The following SYTL2 variants were observed in gnomAD, a reference collection of about 807,000 sequenced individuals.
The protein encoded by SYTL2 is synaptotagmin like 2.
SYTL2 carries 165 observed loss-of-function variants against 198.7 expected under a neutral mutation model. The ratio of observed to expected loss-of-function variants is 0.83; its 90% CI spans 0.73 to 0.94. The LOEUF (loss-of-function observed/expected upper bound fraction) is 0.94. Ranked by LOEUF, SYTL2 falls within the 40% of genes least tolerant of loss-of-function variation. SYTL2 has a pLI of 0.00. For synonymous variants in SYTL2, 966 were observed against 917.7 expected, an observed-to-expected ratio of 1.05 and a Z score of -0.95; for missense variants, 2,835 against 2,582.8, an observed-to-expected ratio of 1.10 and a Z score of -2.12.
chr11:85,808,866 A>G (rs926854578), intron 1 of SYTL2, among the ~76,000 whole-genome samples: 1 of 139,104 alleles, frequency 7.2e-6, no homozygotes, highest in Non-Finnish European at 1.5e-5. Flanking sequence ...ATTAATACCA[A>G]GTAAGTTTTC....
the SYTL2 span, among the ~76,000 whole-genome samples, chr11:85,818,232 A>T: frequency 6.6e-6 from 1 of 152,138 alleles, no homozygotes; most frequent in Non-Finnish European, 1.5e-5. Context: ...ATACACTTCA[A>T]GGATGAAGTG....
At position 85,734,035 on chromosome 11, in the gene SYTL2, G is replaced by A. The variant is rs767407461; in HGVS notation, c.1294C>T (p.Pro432Ser). 2 of 1,613,962 alleles carry A rather than the reference G, an allele frequency of 1.2e-6. No homozygotes were observed. Among genetic ancestry groups the A allele is most frequent in the African/African-American group, 2.7e-5 (2 of 75,032 alleles). The change falls in exon 7 of 20, where the codon CCA becomes TCA. Residue 432 changes from proline to serine, a missense_variant. Pro to Ser is a moderately conservative substitution (Grantham distance 74, BLOSUM62 -1). This residue lies in a region of SYTL2 where 2,645 missense variants were observed against 2,381.7 expected (regional missense o/e 1.11). Transcript: ENST00000359152. Reference protein sequence around the residue: ...HSHSEVLTARPQSMENSPTIN... With the variant: ...HSHSEVLTARSQSMENSPTIN... ...GTTGGTGAATTCTCCATAGACTGTG[G>A]TCTTGCAGTTAAAACTTCTGAATGA...
chr11:85,772,434 A>G (rs1202972906), intron 1 of SYTL2, among the ~76,000 whole-genome samples: 4 of 152,220 alleles, frequency 2.6e-5, no homozygotes, highest in African/African-American at 9.6e-5. Context: ...ATGAAGTCCT[A>G]TAAGGTTGTA....
At chr11:85,719,187 C>T in intron 9 of SYTL2, 2 of 1,277,764 alleles carry the variant, frequency 1.6e-6, no homozygotes. Context: ...TGATGCTAGC[C>T]ATGACTAACA....
At position 85,739,742 on chromosome 11, in the gene SYTL2, G is replaced by C. The variant is rs915628996; in HGVS notation, c.390-2086C>G. ...TTATGAAAAAACTGAGGTTCACAGA[G>C]GTTAAGTCACCTGCTTGATGTTACA... On this transcript the variant is annotated intron_variant, in intron 4 of 19. Coordinates refer to ENST00000359152, the MANE Select transcript of SYTL2 (RefSeq NM_206927.4). Among the ~76,000 whole-genome samples, 6 of 152,230 alleles carry C rather than the reference G, an allele frequency of 3.9e-5. 1 individual carries two copies. In the South Asian group the frequency reaches 1.0e-3, roughly 26 times the overall value.
intron 4 of SYTL2, among the ~76,000 whole-genome samples, chr11:85,742,152 G>A (rs981349508): frequency 3.9e-5 from 6 of 152,134 alleles, no homozygotes; most frequent in African/African-American, 1.4e-4. Context: ...TACAAGCCAA[G>A]GACAGGGCAT....
intron 1 of SYTL2, among the ~76,000 whole-genome samples, chr11:85,795,937 G>A (rs887512086): frequency 6.6e-6 from 1 of 152,182 alleles, no homozygotes; most frequent in Non-Finnish European, 1.5e-5. Flanking sequence ...ATACACATAA[G>A]CCATCATCAC....
rs377321313 is a variant in SYTL2 at position 85,748,299 on chromosome 11, T to C, written c.226A>G (p.Met76Val). The change falls in exon 3 of 20, where the codon ATG becomes GTG. Residue 76 changes from methionine (M) to valine (V), a missense_variant. Physicochemically the swap from Met to Val is conservative, Grantham distance 21. Around this residue, in one of 3 missense-constraint regions of SYTL2, gnomAD observed 2,645 missense variants for 2,381.7 expected, o/e 1.11. Coordinates refer to ENST00000359152, the MANE Select transcript of SYTL2 (RefSeq NM_206927.4). ...IHGADIIRAS[M>V]RKKRPQIAAE... ...GCTATCTGGGGCCTCTTCTTTCTCATAGATGCTCTGATGATATCTGCGCCA... is the reference window on the plus strand; with the variant it reads ...GCTATCTGGGGCCTCTTCTTTCTCACAGATGCTCTGATGATATCTGCGCCA... 1.5e-5 allele frequency: 25 copies of C among 1,613,796 alleles called. No individual in the cohort carries two copies. The highest frequency in any genetic ancestry group is 5.3e-5 in the African/African-American group (4 of 74,924).
intron 15 of SYTL2, among the ~76,000 whole-genome samples, chr11:85,706,640 G>A (rs1338581012): frequency 6.6e-6 from 1 of 152,150 alleles, no homozygotes; most frequent in Non-Finnish European, 1.5e-5. Flanking sequence ...AGGGTGACTG[G>A]AACAAAGACT....
rs762369216 is a variant in SYTL2 at position 85,726,338 on chromosome 11, G to C, written c.3020C>G (p.Thr1007Arg). ...AAAAGGTGCAGAATTTTTTTGGCTT[G>C]TGGTGGTAATATTCTTGTCATTATC... ...SKDNDKNITT[T>R]SQKNSAPFNR... Residue 1007 changes from threonine to arginine, a missense_variant, in exon 8 of 20, where the codon ACA becomes AGA. By Grantham distance (71) the Thr-to-Arg change is moderately conservative. Coordinates refer to ENST00000359152, the MANE Select transcript of SYTL2 (RefSeq NM_206927.4). 1 of 1,613,842 alleles carries C rather than the reference G, an allele frequency of 6.2e-7. No individual in the cohort carries two copies. Among genetic ancestry groups the C allele is most frequent in the East Asian group, 2.2e-5 (1 of 44,878 alleles).
Position 85,714,411 on chromosome 11 carries a change from G to T in SYTL2, c.5625+2C>A, listed in dbSNP as rs1441301886. 2 of 1,609,726 alleles carry T rather than the reference G, an allele frequency of 1.2e-6. No homozygotes were observed. The highest frequency in any genetic ancestry group is 1.7e-6 in the Non-Finnish European group (2 of 1,176,298). Reference sequence around the variant, plus strand: ...TTCTGAAGGTACAAAAGACAAACTTGCCTCATCTTGGAGAAATGCTGGAAC... The same window carrying T: ...TTCTGAAGGTACAAAAGACAAACTTTCCTCATCTTGGAGAAATGCTGGAAC... On this transcript the variant is annotated splice_donor_variant, in intron 12 of 19. Coordinates refer to ENST00000359152, the MANE Select transcript of SYTL2 (RefSeq NM_206927.4). LOFTEE classifies it high-confidence loss of function.
chr11:85,796,289 G>T (rs1252111930), intron 1 of SYTL2, among the ~76,000 whole-genome samples: 2 of 152,110 alleles, frequency 1.3e-5, no homozygotes, highest in African/African-American at 4.8e-5. Flanking sequence ...AGAATTAAAA[G>T]GATGATTCAC....
the SYTL2 span, among the ~76,000 whole-genome samples, chr11:85,824,139 A>G: frequency 6.6e-6 from 1 of 152,238 alleles, no homozygotes; most frequent in African/African-American, 2.4e-5. Context: ...TGGTTAAAAC[A>G]GTCTAATAAT....
chr11:85,750,953 T>G (rs1157804201), intron 2 of SYTL2, among the ~76,000 whole-genome samples: 1 of 152,188 alleles, frequency 6.6e-6, no homozygotes, highest in Non-Finnish European at 1.5e-5. Context: ...TTTTTGTTTT[T>G]CAACTAAAAT....
chr11:85,804,973 CA>C (rs2153656470), intron 1 of SYTL2, among the ~76,000 whole-genome samples: 1 of 152,316 alleles, frequency 6.6e-6, no homozygotes, highest in East Asian at 1.9e-4. Flanking sequence ...AACCACCCAG[CA>C]CAGCATCTCA....
intron 2 of SYTL2, among the ~76,000 whole-genome samples, chr11:85,754,202 C>T (rs926505503): frequency 6.6e-6 from 1 of 152,122 alleles, no homozygotes; most frequent in African/African-American, 2.4e-5. Flanking sequence ...AAATTTGCAA[C>T]TGATAATCCA....
chr11:85,723,965 A>AT, intron 8 of SYTL2, 67 bp downstream of exon 8: 2 of 937,158 alleles, frequency 2.1e-6, no homozygotes, highest in Non-Finnish European at 3.0e-6. Context: ...AATTAAAAAA[A>AT]ATCATCCTTT....
upstream of SYTL2, among the ~76,000 whole-genome samples, chr11:85,816,158 C>G (rs2093060947): frequency 6.6e-6 from 1 of 151,898 alleles, no homozygotes; most frequent in South Asian, 2.1e-4. Flanking sequence ...GAGTGAGACT[C>G]CTTCTCAATA....
intron 1 of SYTL2, among the ~76,000 whole-genome samples, chr11:85,785,529 G>A (rs746535500): frequency 3.3e-5 from 5 of 152,158 alleles, no homozygotes; most frequent in Non-Finnish European, 2.9e-5. Flanking sequence ...TTCCATTTCT[G>A]TTTCTAAAAT....
Sources: gnomAD v4.1 joint callset for allele counts (sites outside exome capture counted in the v4.1 genomes callset) on GRCh38, gnomAD v4.1.1 for gene constraint, gnomAD v4.1.1 regional missense constraint, MANE v1.5 for transcripts, NCBI Gene and HGNC (gene_info 2026-07-23, HGNC 2026-07-21) for gene names.